Variants in KCNIP4 observed in about 807,000 individuals in gnomAD.
The protein encoded by KCNIP4 is potassium voltage-gated channel interacting protein 4, also known as Kv channel-interacting protein 4.
A neutral mutation model predicts 34.0 loss-of-function variants in KCNIP4; 12 were observed. The observed-to-expected ratio is 0.35, with a 90% CI of 0.23 to 0.57. The LOEUF (loss-of-function observed/expected upper bound fraction) is 0.57, where lower values mean the gene tolerates loss of function less well. Ranked by LOEUF, KCNIP4 falls within the 20% of genes least tolerant of loss-of-function variation. KCNIP4 has a pLI of 0.83. For missense variants in KCNIP4, 238 were observed against 311.7 expected (o/e 0.76, Z 1.78); for synonymous variants, 124 against 102.2 (o/e 1.21, Z -1.29).
intron 1 of KCNIP4, among the ~76,000 whole-genome samples, chr4:21,926,419 C>T (rs1365809782): frequency 2.0e-5 from 3 of 152,088 alleles, no homozygotes; most frequent in Non-Finnish European, 2.9e-5. Flanking sequence ...TAACTTTGCT[C>T]GAGTCTAGTA....
At chr4:21,664,374 CAAAA>C (rs1004518117) in intron 1 of KCNIP4, among the ~76,000 whole-genome samples, 10 of 150,884 alleles carry the variant, frequency 6.6e-5, no homozygotes, top group African/African-American at 2.2e-4. Context: ...CAGAGGCAAC[CAAAA>C]CAAACACTCT....
At chr4:20,907,818 C>T (rs866750905) in intron 1 of KCNIP4, among the ~76,000 whole-genome samples, 1 of 150,278 alleles carries the variant, frequency 6.7e-6, no homozygotes, top group South Asian at 2.1e-4. Context: ...CCCGGGTTCA[C>T]GCCATTCTCC....
chr4:21,777,614 A>G (rs1719268512), intron 1 of KCNIP4, among the ~76,000 whole-genome samples: 1 of 152,176 alleles, frequency 6.6e-6, no homozygotes, highest in Admixed American at 6.5e-5. Context: ...AGAATTACAT[A>G]TAAAGAGAGA....
At chr4:20,961,607 T>C (rs1733857954) in intron 1 of KCNIP4, among the ~76,000 whole-genome samples, 1 of 152,156 alleles carries the variant, frequency 6.6e-6, no homozygotes, top group Admixed American at 6.5e-5. Flanking sequence ...TTAAATTGCC[T>C]TGTGATCAAC....
intron 1 of KCNIP4, among the ~76,000 whole-genome samples, chr4:21,726,695 T>G (rs1715220859): frequency 6.6e-6 from 1 of 152,194 alleles, no homozygotes; most frequent in South Asian, 2.1e-4. Flanking sequence ...CTGTAATTGC[T>G]TCTTTAATTG....
At chr4:21,507,578 A>T (rs545442917) in intron 1 of KCNIP4, among the ~76,000 whole-genome samples, 13 of 152,284 alleles carry the variant, frequency 8.5e-5, no homozygotes, top group African/African-American at 3.1e-4. Flanking sequence ...TTTTAATTCA[A>T]AGATGCTATT....
At chr4:20,736,395 TA>T (rs376385799) in intron 5 of KCNIP4, among the ~76,000 whole-genome samples, 5 of 152,326 alleles carry the variant, frequency 3.3e-5, no homozygotes, top group Non-Finnish European at 5.9e-5. Context: ...GTAAATGAGA[TA>T]TTTTTTTCTA....
chr4:21,045,777 A>C (rs1289606197), intron 1 of KCNIP4, among the ~76,000 whole-genome samples: 2 of 152,240 alleles, frequency 1.3e-5, no homozygotes, highest in African/African-American at 2.4e-5. Flanking sequence ...AGCATTAAAA[A>C]CATAATTTGC....
intron 1 of KCNIP4, among the ~76,000 whole-genome samples, chr4:20,951,712 T>C (rs1732806207): frequency 6.6e-6 from 1 of 152,230 alleles, no homozygotes; most frequent in Non-Finnish European, 1.5e-5. Flanking sequence ...GGATCTGGAC[T>C]ACTCTGTTTT....
chr4:21,682,122 C>T (rs1004477891), intron 1 of KCNIP4, among the ~76,000 whole-genome samples: 10 of 152,206 alleles, frequency 6.6e-5, no homozygotes, highest in African/African-American at 2.4e-4. Flanking sequence ...GAACTCCTGA[C>T]CTCAAGTGAT....
chr4:21,182,002 C>T (rs909942642), intron 1 of KCNIP4, among the ~76,000 whole-genome samples: 1 of 152,108 alleles, frequency 6.6e-6, no homozygotes, highest in Non-Finnish European at 1.5e-5. Flanking sequence ...TGGAATGCCT[C>T]TACTATAGCC....
At chr4:21,120,443 T>A (rs1377258078) in intron 1 of KCNIP4, among the ~76,000 whole-genome samples, 1 of 152,204 alleles carries the variant, frequency 6.6e-6, no homozygotes, top group Non-Finnish European at 1.5e-5. Context: ...CACACTGCTA[T>A]AAAGAAATAC....
At chr4:21,151,406 ATTTTTTTTTTT>A (rs35983306) in intron 1 of KCNIP4, among the ~76,000 whole-genome samples, 1 of 51,276 alleles carries the variant, frequency 2.0e-5, no homozygotes, top group Admixed American at 2.6e-4. Flanking sequence ...ACAAAAGACA[ATTTTTTTTTTT>A]TTTTTTTTTT....
At chr4:21,025,363 T>C (rs1334476458) in intron 1 of KCNIP4, among the ~76,000 whole-genome samples, 10 of 151,632 alleles carry the variant, frequency 6.6e-5, no homozygotes, top group Non-Finnish European at 1.2e-4. Flanking sequence ...GTCAAAGCAG[T>C]TGGAGCCAAA....
chr4:21,733,399 T>TTAA (rs1715752975), intron 1 of KCNIP4, among the ~76,000 whole-genome samples: 1 of 152,174 alleles, frequency 6.6e-6, no homozygotes, highest in East Asian at 1.9e-4. Flanking sequence ...TAGAAGAATA[T>TTAA]GTTGTCTACA....
chr4:21,602,020 T>C (rs967214626), intron 1 of KCNIP4, among the ~76,000 whole-genome samples: 2 of 152,136 alleles, frequency 1.3e-5, no homozygotes, highest in African/African-American at 4.8e-5. Flanking sequence ...GTCATGCCCC[T>C]CCCCAACGCA....
At chr4:20,965,633 CT>C (rs1734265677) in intron 1 of KCNIP4, among the ~76,000 whole-genome samples, 1 of 152,154 alleles carries the variant, frequency 6.6e-6, no homozygotes, top group South Asian at 2.1e-4. Flanking sequence ...AAAAATGTAT[CT>C]ACTCATTTTA....
chr4:20,802,518 T>C (rs1334206405), intron 3 of KCNIP4, among the ~76,000 whole-genome samples: 5 of 152,088 alleles, frequency 3.3e-5, no homozygotes, highest in Admixed American at 6.5e-5. Context: ...AACAGACATA[T>C]ACAAAACTGT....
rs553114725 is a variant in KCNIP4, at chr4:20,806,504, AT to A, written c.288+44038del. Among the ~76,000 whole-genome samples the A allele has an allele frequency of 2.9e-4, 44 of 149,972 alleles. 1 individual carries two copies. The highest frequency in any genetic ancestry group is 6.6e-4 in the African/African-American group (27 of 40,900). ...GGATACTTTGCCATTTGACCTTCTTATTTTTTTTTAATTTATTTTCCATTAT... is the reference window on the plus strand; with the variant it reads ...GGATACTTTGCCATTTGACCTTCTTATTTTTTTTAATTTATTTTCCATTAT... On this transcript the variant is annotated intron_variant, in intron 3 of 8. Coordinates refer to ENST00000382152, the MANE Select transcript of KCNIP4 (RefSeq NM_025221.6).
Sources: allele counts gnomAD v4.1 joint callset (sites outside exome capture counted in the v4.1 genomes callset), GRCh38; gene constraint gnomAD v4.1.1; transcripts MANE v1.5; gene names NCBI Gene and HGNC (gene_info 2026-07-23, HGNC 2026-07-21).